Variants in DBF4B observed in about 807,000 individuals in gnomAD.
The protein encoded by DBF4B is protein DBF4 homolog B.
DBF4B carries 49 observed loss-of-function variants against 53.4 expected under a neutral mutation model. The ratio of observed to expected loss-of-function variants is 0.92; its 90% CI spans 0.73 to 1.16. The LOEUF is 1.16. DBF4B is among the 50% of genes most tolerant of loss of function. The pLI is 0.00. For synonymous variants in DBF4B, 257 were observed against 288.7 expected, an observed-to-expected ratio of 0.89 and a Z score of 1.11; for missense variants, 692 against 775.0, an observed-to-expected ratio of 0.89 and a Z score of 1.27.
chr17:44,715,744 C>G (rs571932957), intron 2 of DBF4B, among the ~76,000 whole-genome samples: 2 of 147,910 alleles, frequency 1.4e-5, no homozygotes, highest in South Asian at 4.3e-4. Flanking sequence ...TAGTTTTCTT[C>G]TGCTTCCTAC....
rs1394581862 is a variant in DBF4B, at chr17:44,741,268, G to C, written c.714-68G>C. ...ATCAGGGCTGGAATTCTAGGGCATTGGGCGAGGCCCCCTCCTCAGCCTTTA... is the reference window on the plus strand; with the variant it reads ...ATCAGGGCTGGAATTCTAGGGCATTCGGCGAGGCCCCCTCCTCAGCCTTTA... On this transcript the variant is annotated intron_variant, in intron 9 of 13. Coordinates refer to ENST00000315005, the MANE Select transcript of DBF4B (RefSeq NM_145663.3). The C allele has an allele frequency of 3.5e-6, 4 of 1,151,604 alleles. No individual in the cohort carries two copies. The South Asian group carries it at 5.0e-5, about 14-fold the overall frequency. The allele number at this position is 1,151,604 out of a possible 1,614,324, so 71.3% of individuals were successfully genotyped here. A position where few individuals can be genotyped will look rare whatever the true frequency, so the allele number is the denominator to read the frequency against.
chr17:44,748,553 G>T (rs1380374424), intron 13 of DBF4B, 88 bp downstream of exon 13: 1 of 1,586,108 alleles, frequency 6.3e-7, no homozygotes, highest in Non-Finnish European at 8.6e-7. Context: ...CCTATAGCAA[G>T]CTGCCAGGAC....
Position 44,750,783 on chromosome 17 carries a change from T to G in DBF4B, c.1378T>G (p.Leu460Val). Residue 460 changes from leucine to valine, a missense_variant, in exon 14 of 14, where the codon TTG (leucine) becomes GTG (valine). This residue lies in a region of DBF4B where 597 missense variants were observed against 665.8 expected (regional missense o/e 0.90). Transcript: ENST00000315005. The stretch of plus-strand genomic sequence containing the variant: ...TACCCAGTCTCATCTGGTCACTTCC[T>G]TGGCTCTGCTGCCTGGGGAGTGGTC... Reference protein sequence around the residue: ...SFTQSHLVTSLALLPGEWSPA... With the variant: ...SFTQSHLVTSVALLPGEWSPA... The G allele has an allele frequency of 6.2e-7, 1 of 1,614,230 alleles. No individual in the cohort carries two copies. The highest frequency in any genetic ancestry group is 8.5e-7 in the Non-Finnish European group (1 of 1,180,042).
At position 44,749,228 on chromosome 17, in the gene DBF4B, A is replaced by G. The variant is rs1201499070; in HGVS notation, c.1189+763A>G. 1.5e-6 allele frequency: 2 copies of G among 1,290,386 alleles called. No homozygotes were observed. The highest frequency in any genetic ancestry group is 2.4e-5 in the South Asian group (2 of 81,676). 79.9% of individuals were successfully genotyped at this position (1,290,386 alleles called of 1,614,324 possible). On this transcript the variant is annotated intron_variant, in intron 13 of 13. Coordinates refer to ENST00000315005, the MANE Select transcript of DBF4B (RefSeq NM_145663.3). This position sits in a 1 kb window ranked among gnomAD's most constrained non-coding sequence, Gnocchi z 4.4. ...TGCCTCTGGGCCCCCCAGCCTCTCC[A>G]GGTGCCCTGTCTCCCTGTCTCCCAG...
intron 2 of DBF4B, chr17:44,718,772 TTGAGAC>T (rs1973564426): frequency 6.6e-6 from 1 of 151,910 alleles, no homozygotes; most frequent in African/African-American, 2.4e-5. Flanking sequence ...GGAAGATACT[TTGAGAC>T]TGTGCAAATA....
At chr17:44,744,846 T>C (rs954842970) in intron 10 of DBF4B, among the ~76,000 whole-genome samples, 1 of 152,228 alleles carries the variant, frequency 6.6e-6, no homozygotes, top group Non-Finnish European at 1.5e-5. Flanking sequence ...AGTTTGCATA[T>C]GTTTGGTTGT....
In DBF4B at chr17:44,723,700, A is replaced by G. The variant is rs8064634; in HGVS notation, c.225+678A>G. On this transcript the variant is annotated intron_variant, in intron 3 of 13. Transcript: ENST00000315005. The stretch of plus-strand genomic sequence containing the variant: ...TTTGGACCTGGGAGGCGGAGTTTGC[A>G]GTAAGCCGAGATTGTACCACTGCAC... Among the ~76,000 whole-genome samples, 1,218 of 152,136 alleles carry G rather than the reference A, an allele frequency of 8.0e-3. 15 individuals are homozygous for G. Among genetic ancestry groups the G allele is most frequent in the African/African-American group, 0.028 (1,152 of 41,506 alleles).
At chr17:44,738,980 C>T (rs953016585) in intron 9 of DBF4B, among the ~76,000 whole-genome samples, 5 of 152,210 alleles carry the variant, frequency 3.3e-5, no homozygotes, top group African/African-American at 1.2e-4. Flanking sequence ...GAGAGCCCAT[C>T]TCTTCCTAAT....
At chr17:44,713,371 G>A (rs959881946) in intron 2 of DBF4B, among the ~76,000 whole-genome samples, 2 of 150,688 alleles carry the variant, frequency 1.3e-5, no homozygotes, top group Non-Finnish European at 3.0e-5. Flanking sequence ...AACATTATTC[G>A]GCCGGGCGCG....
At chr17:44,745,845 C>T (rs1045043811) in intron 10 of DBF4B, among the ~76,000 whole-genome samples, 1 of 151,818 alleles carries the variant, frequency 6.6e-6, no homozygotes, top group African/African-American at 2.4e-5. Flanking sequence ...TTGGACTTGT[C>T]GAGTTTGCTG....
At chr17:44,724,334 C>T (rs1974108384) in intron 3 of DBF4B, among the ~76,000 whole-genome samples, 1 of 151,994 alleles carries the variant, frequency 6.6e-6, no homozygotes, top group Admixed American at 6.6e-5. Context: ...GGAGGCAGTC[C>T]AGCTAGGGTG....
intron 8 of DBF4B, 72 bp downstream of exon 8, chr17:44,736,938 G>A: frequency 6.4e-7 from 1 of 1,556,028 alleles, no homozygotes; most frequent in Non-Finnish European, 8.8e-7. Context: ...GACTCCCTCT[G>A]TGGCAGCATC....
At chr17:44,720,241 G>A in intron 2 of DBF4B, 1 of 332,274 alleles carries the variant, frequency 3.0e-6, no homozygotes, top group Non-Finnish European at 5.7e-6. Context: ...AGCTTTAGAG[G>A]CACATCTTCA....
intron 6 of DBF4B, 24 bp downstream of exon 6, chr17:44,732,289 T>C: frequency 6.2e-7 from 1 of 1,612,212 alleles, no homozygotes; most frequent in Non-Finnish European, 8.5e-7. Flanking sequence ...GCTGGGCTCC[T>C]GTGGAGGGAG....
Position 44,749,925 on chromosome 17 carries a change from T to C in DBF4B, c.1190-670T>C. 2.9e-6 allele frequency: 3 copies of C among 1,025,996 alleles called. No individual in the cohort carries two copies. Among genetic ancestry groups the C allele is most frequent in the African/African-American group, 1.7e-5 (1 of 58,686 alleles). The allele number at this position is 1,025,996 out of a possible 1,614,324, so 63.6% of individuals were successfully genotyped here. ...TCCCGCACACAGATCCTCAGGAACA[T>C]ATGAAGCAGAGGAGGGGCTTGGGCT... On this transcript the variant is annotated intron_variant, in intron 13 of 13. Transcript: ENST00000315005. The surrounding 1 kb of genome is among the most constrained non-coding windows in gnomAD (Gnocchi z 4.4).
chr17:44,726,961 T>A (rs1208305036), intron 3 of DBF4B, among the ~76,000 whole-genome samples: 1 of 151,406 alleles, frequency 6.6e-6, no homozygotes, highest in African/African-American at 2.4e-5. Context: ...TAGCTGCGTG[T>A]GGTGGTATGC....
chr17:44,751,571 C>A lies in DBF4B; in HGVS notation c.*318C>A. The A allele has an allele frequency of 7.4e-7, 1 of 1,347,230 alleles. No homozygotes were observed. The highest frequency in any genetic ancestry group is 2.9e-5 in the East Asian group (1 of 34,168). The allele number at this position is 1,347,230 out of a possible 1,614,324, so 83.5% of individuals were successfully genotyped here. On this transcript the variant is annotated 3_prime_UTR_variant, in exon 14 of 14. Coordinates refer to ENST00000315005, the MANE Select transcript of DBF4B (RefSeq NM_145663.3). ...TTTCCTTCTCAGACTTGCCACCTTTCCCCTCTGCCCCAAAATGCCATGCTC... is the reference window on the plus strand; with the variant it reads ...TTTCCTTCTCAGACTTGCCACCTTTACCCTCTGCCCCAAAATGCCATGCTC...
chr17:44,743,946 C>T (rs1052841776), intron 10 of DBF4B, among the ~76,000 whole-genome samples: 1 of 151,676 alleles, frequency 6.6e-6, no homozygotes, highest in Non-Finnish European at 1.5e-5. Context: ...ACGAAGGATA[C>T]ACATGTACCT....
intron 7 of DBF4B, 109 bp downstream of exon 7, chr17:44,734,272 A>G: frequency 7.2e-7 from 1 of 1,389,500 alleles, no homozygotes; most frequent in Non-Finnish European, 1.0e-6. Context: ...GGCCATTCTG[A>G]AAGATGGAAG....
Sources: gnomAD v4.1 joint callset for allele counts (sites outside exome capture counted in the v4.1 genomes callset) on GRCh38, gnomAD v4.1.1 for gene constraint, gnomAD v4.1.1 regional missense constraint, Gnocchi (gnomAD v3.1) non-coding constraint, MANE v1.5 for transcripts, NCBI Gene and HGNC (gene_info 2026-07-23, HGNC 2026-07-21) for gene names.